The following MAGI2 variants were observed in gnomAD, a reference collection of about 807,000 sequenced individuals.
The protein encoded by MAGI2 is membrane associated guanylate kinase, WW and PDZ domain containing 2, also known as membrane-associated guanylate kinase, WW and PDZ domain-containing protein 2.
A neutral mutation model predicts 133.3 loss-of-function variants in MAGI2; 35 were observed. The ratio of observed to expected loss-of-function variants is 0.26; its 90% confidence interval spans 0.20 to 0.35. The LOEUF (loss-of-function observed/expected upper bound fraction) is 0.35, where lower values mean the gene tolerates loss of function less well. Among genes scored for constraint, MAGI2 ranks in the 10% least tolerant of loss-of-function variants. MAGI2 has a pLI of 1.00. For synonymous variants in MAGI2, 729 were observed against 710.6 expected, an observed-to-expected ratio of 1.03 and a Z score of -0.41; for missense variants, 1,636 against 1,863.4, an observed-to-expected ratio of 0.88 and a Z score of 2.25.
chr7:79,341,914 T>C (rs1355436916), intron 1 of MAGI2, among the ~76,000 whole-genome samples: 1 of 152,172 alleles, frequency 6.6e-6, no homozygotes, highest in Non-Finnish European at 1.5e-5. Flanking sequence ...GGGTAACTTC[T>C]TATACCTACT....
At position 79,399,110 on chromosome 7, in the gene MAGI2, T is replaced by TG. The variant is rs1228846004; in HGVS notation, c.301+53909dup. On this transcript the variant is annotated intron_variant, in intron 1 of 21. Transcript: ENST00000354212. ...TTTTTCTTTTCTTTTTTTTTTTTTT[T>TG]GGGAGATGGAGCCTCACTCTGTGGC... is the stretch of plus-strand genomic sequence containing the variant. Among the ~76,000 whole-genome samples, 686 of 146,278 alleles carry TG rather than the reference T, an allele frequency of 4.7e-3. 11 individuals carry two copies. The highest frequency in any genetic ancestry group is 0.016 in the African/African-American group (643 of 39,032).
chr7:79,011,510 C>A (rs936669034), intron 1 of MAGI2, among the ~76,000 whole-genome samples: 2 of 152,098 alleles, frequency 1.3e-5, no homozygotes, highest in Non-Finnish European at 2.9e-5. Context: ...CAGACATGAC[C>A]ATCAGCTCAA....
intron 3 of MAGI2, among the ~76,000 whole-genome samples, chr7:78,534,276 A>T (rs767756131): frequency 1.3e-5 from 2 of 152,236 alleles, no homozygotes; most frequent in Non-Finnish European, 2.9e-5. Flanking sequence ...AATTGGAATT[A>T]TGATTGAATA....
intron 3 of MAGI2, among the ~76,000 whole-genome samples, chr7:78,599,835 C>T (rs1804997893): frequency 6.6e-6 from 1 of 152,178 alleles, no homozygotes; most frequent in Non-Finnish European, 1.5e-5. Context: ...AGAATAAGAC[C>T]TCACTCTGCT....
intron 6 of MAGI2, among the ~76,000 whole-genome samples, chr7:78,480,467 T>A (rs190315439): frequency 6.6e-6 from 1 of 151,516 alleles, no homozygotes; most frequent in African/African-American, 2.4e-5. Flanking sequence ...CACAGACACA[T>A]AGACACAAAA....
intron 2 of MAGI2, among the ~76,000 whole-genome samples, chr7:78,909,334 C>T (rs543273512): frequency 1.3e-5 from 2 of 151,588 alleles, no homozygotes; most frequent in South Asian, 4.2e-4. Flanking sequence ...TGGCTCACGC[C>T]TGTAATCCCA....
rs1218443963 is a variant in MAGI2, at chr7:79,178,147, CTCTT to C, written c.302-170945_302-170942del. 6.6e-5 allele frequency among the ~76,000 whole-genome samples: 10 copies of C among 151,830 alleles called. 1 individual carries two copies. Among genetic ancestry groups the C allele is most frequent in the African/African-American group, 2.2e-4 (9 of 41,152 alleles). ...TACTAAATAAATTTCTACTAATTCT[CTCTT>C]TCTTGTCGCTGTACTTCCCTTATTT... On this transcript the variant is annotated intron_variant, in intron 1 of 21. Coordinates refer to ENST00000354212, the MANE Select transcript of MAGI2 (RefSeq NM_012301.4).
chr7:79,433,389 A>C (rs1847912913), intron 1 of MAGI2, among the ~76,000 whole-genome samples: 1 of 151,742 alleles, frequency 6.6e-6, no homozygotes, highest in Admixed American at 6.6e-5. Context: ...TGTCTCTACT[A>C]AAAAATACAA....
intron 2 of MAGI2, among the ~76,000 whole-genome samples, chr7:78,921,397 C>G (rs1799210811): frequency 6.6e-6 from 1 of 152,106 alleles, no homozygotes; most frequent in South Asian, 2.1e-4. Flanking sequence ...ATCCCTCCCG[C>G]CCCCTAATAG....
chr7:79,033,906 C>T (rs1385471389), intron 1 of MAGI2, among the ~76,000 whole-genome samples: 1 of 151,996 alleles, frequency 6.6e-6, no homozygotes, highest in Non-Finnish European at 1.5e-5. Context: ...TCTAAATATA[C>T]TAACAAAACA....
chr7:79,292,165 C>T (rs892465248), intron 1 of MAGI2, among the ~76,000 whole-genome samples: 1 of 152,144 alleles, frequency 6.6e-6, no homozygotes, highest in African/African-American at 2.4e-5. Context: ...GAAAAACCTA[C>T]AAATTGTCTT....
At chr7:78,217,708 T>C (rs749241022) in intron 10 of MAGI2, among the ~76,000 whole-genome samples, 1 of 152,210 alleles carries the variant, frequency 6.6e-6, no homozygotes, top group Non-Finnish European at 1.5e-5. Flanking sequence ...CAATTTGCCA[T>C]AGCAAGATGG....
intron 2 of MAGI2, among the ~76,000 whole-genome samples, chr7:78,685,465 CG>C: frequency 1.5e-5 from 1 of 65,102 alleles, no homozygotes; most frequent in South Asian, 4.9e-4. Context: ...TTGTCATTGT[CG>C]TTTTTTTTTT....
At chr7:79,106,147 C>G (rs951472717) in intron 1 of MAGI2, among the ~76,000 whole-genome samples, 1 of 152,104 alleles carries the variant, frequency 6.6e-6, no homozygotes, top group Non-Finnish European at 1.5e-5. Context: ...TTGATACATG[C>G]AGCAAATTGG....
At chr7:78,479,611 C>A (rs187657116) in intron 6 of MAGI2, among the ~76,000 whole-genome samples, 5 of 151,968 alleles carry the variant, frequency 3.3e-5, no homozygotes, top group Non-Finnish European at 2.9e-5. Context: ...CGAAACAGGC[C>A]AGAACCTACA....
At chr7:79,111,432 G>T (rs1228696607) in intron 1 of MAGI2, among the ~76,000 whole-genome samples, 2 of 152,084 alleles carry the variant, frequency 1.3e-5, no homozygotes, top group Non-Finnish European at 2.9e-5. Context: ...ATATAGAAAA[G>T]GAAAGAATAA....
At chr7:78,065,844 G>A (rs1312950679) in intron 21 of MAGI2, among the ~76,000 whole-genome samples, 1 of 152,208 alleles carries the variant, frequency 6.6e-6, no homozygotes, top group Non-Finnish European at 1.5e-5. Flanking sequence ...CATGCAGCAA[G>A]TGAAATTAGT....
At chr7:78,957,016 C>T (rs377250935) in intron 2 of MAGI2, among the ~76,000 whole-genome samples, 15 of 151,964 alleles carry the variant, frequency 9.9e-5, no homozygotes, top group African/African-American at 3.4e-4. Context: ...GTAATCCCAG[C>T]ACTTTGGGAG....
chr7:78,314,432 T>C (rs1328347539), intron 9 of MAGI2, among the ~76,000 whole-genome samples: 1 of 152,112 alleles, frequency 6.6e-6, no homozygotes, highest in Non-Finnish European at 1.5e-5. Context: ...TATCATGCTA[T>C]CCTGAAAGGA....
Sources: allele counts gnomAD v4.1 joint callset (sites outside exome capture counted in the v4.1 genomes callset), GRCh38; gene constraint gnomAD v4.1.1; transcripts MANE v1.5; gene names NCBI Gene and HGNC (gene_info 2026-07-23, HGNC 2026-07-21).